The following SPTB variants were observed in gnomAD, a reference collection of about 807,000 sequenced individuals.
SPTB encodes spectrin beta, erythrocytic, also known as spectrin beta chain, erythrocytic.
Under a neutral mutation model 256.2 loss-of-function variants are expected in SPTB, and 45 were observed. The observed-to-expected ratio is 0.18, with a 90% confidence interval of 0.14 to 0.23. The LOEUF (loss-of-function observed/expected upper bound fraction) is 0.23. Ranked by LOEUF, SPTB falls within the 10% of genes least tolerant of loss-of-function variation. The pLI, the probability that SPTB is intolerant of heterozygous loss-of-function variation, is 1.00. For missense variants in SPTB, 2,715 were observed against 3,040.4 expected (o/e 0.89, Z 2.52); for synonymous variants, 1,231 against 1,243.1 (o/e 0.99, Z 0.21).
At chr14:64,752,714 T>A (rs1594737872) in intron 33 of SPTB, among the ~76,000 whole-genome samples, 1 of 152,236 alleles carries the variant, frequency 6.6e-6, no homozygotes, top group South Asian at 2.1e-4. Context: ...TTCAGGGCAA[T>A]TGGGCCCCCA....
chr14:64,812,983 A>G (rs1025382146), intron 2 of SPTB, among the ~76,000 whole-genome samples: 1 of 152,206 alleles, frequency 6.6e-6, no homozygotes, highest in African/African-American at 2.4e-5. Flanking sequence ...TATATTAATG[A>G]GGATACTATT....
chr14:64,804,381 G>A (rs1308607137), intron 3 of SPTB, among the ~76,000 whole-genome samples: 1 of 152,206 alleles, frequency 6.6e-6, no homozygotes, highest in Non-Finnish European at 1.5e-5. Context: ...AGGTATCATT[G>A]CCCTCATTTT....
rs377266593 is a variant in SPTB, at chr14:64,749,351, C to T, written c.6942G>A (p.Lys2314=). ...SLSGPDASLG[K]KDKEKRFSFF... The stretch of plus-strand genomic sequence containing the variant: ...AGCTGAATCTCTTCTCCTTGTCTTT[C>T]TTGCCGAGGCTGGCGTCGGGGCCGG... The change falls in exon 36 of 36, where the codon AAG becomes AAA. Residue 2314 remains lysine (K), a synonymous_variant. Transcript: ENST00000644917. This position sits in a 1 kb window ranked among gnomAD's most constrained non-coding sequence, Gnocchi z 4.7. 5.1e-4 allele frequency: 829 copies of T among 1,610,372 alleles called. 2 individuals are homozygous for T. Among genetic ancestry groups the T allele is most frequent in the Non-Finnish European group, 6.8e-4 (801 of 1,179,574 alleles).
rs748820729 is a variant in SPTB, at chr14:64,801,847, G to A, written c.567-13C>T. The stretch of plus-strand genomic sequence containing the variant: ...AACATGAGGGTAGCTGCATCCAAGA[G>A]AAACAGTAAGAGCTAAGAATTAGAT... On this transcript the variant is annotated splice_polypyrimidine_tract_variant and intron_variant, in intron 5 of 35. Coordinates refer to ENST00000644917, the MANE Select transcript of SPTB (RefSeq NM_001355436.2). 1.7e-5 allele frequency: 27 copies of A among 1,611,844 alleles called. No individual in the cohort carries two copies. Among genetic ancestry groups the A allele is most frequent in the Non-Finnish European group, 8.5e-7 (1 of 1,177,980 alleles).
intron 1 of SPTB, among the ~76,000 whole-genome samples, chr14:64,875,325 C>G (rs1330369166): frequency 6.6e-6 from 1 of 152,208 alleles, no homozygotes; most frequent in African/African-American, 2.4e-5. Context: ...TGATATTCAG[C>G]TGAGGCTGGC....
At chr14:64,862,099 C>T (rs536627588) in intron 1 of SPTB, among the ~76,000 whole-genome samples, 3 of 152,364 alleles carry the variant, frequency 2.0e-5, no homozygotes, top group Non-Finnish European at 4.4e-5. Flanking sequence ...CAACTTGCTA[C>T]AGCAGCTCCA....
chr14:64,767,305 A>T lies in SPTB; in HGVS notation c.6267T>A (p.Thr2089=). Residue 2089 remains threonine (T), a splice_region_variant and synonymous_variant, in exon 31 of 36, where the codon ACT becomes ACA. Transcript: ENST00000644917. The part of the protein sequence containing the change: ...RQIAERPAEE[T]GPQEEEGETA... ...CTGGACACACGGCCACCACTCACCC[A>T]GTCTCCTCTGCGGGTCTCTCTGCAA... 6.2e-7 allele frequency: 1 copy of T among 1,614,040 alleles called. No individual in the cohort carries two copies. Among genetic ancestry groups the T allele is most frequent in the African/African-American group, 1.3e-5 (1 of 75,058 alleles).
chr14:64,786,773 C>T lies in SPTB; in HGVS notation c.3192G>A (p.Gln1064=), dbSNP rs375116881. The change falls in exon 16 of 36, where the codon CAG becomes CAA. Residue 1064 remains glutamine (Q), a synonymous_variant. Transcript: ENST00000644917. The surrounding 1 kb of genome is among the most constrained non-coding windows in gnomAD (Gnocchi z 5.6). ...EDLLGEVSQL[Q]AFLQDLDDFQ... ...AGTCATCCAGATCCTGCAGGAAGGCCTGCAGCTGGCTGACTTCCCCCAGCA... is the reference window on the plus strand; with the variant it reads ...AGTCATCCAGATCCTGCAGGAAGGCTTGCAGCTGGCTGACTTCCCCCAGCA... 3 of 1,613,970 alleles carry T rather than the reference C, an allele frequency of 1.9e-6. No homozygotes were observed. The African/African-American group carries it at 4.0e-5, about 22-fold the overall frequency.
At chr14:64,848,277 T>A (rs1410323410) in intron 1 of SPTB, among the ~76,000 whole-genome samples, 1 of 152,210 alleles carries the variant, frequency 6.6e-6, no homozygotes, top group Non-Finnish European at 1.5e-5. Context: ...CTCTTTTGCT[T>A]TTTATTGTGG....
At position 64,764,986 on chromosome 14, in the gene SPTB, A is replaced by G. The variant is rs1254720825; in HGVS notation, c.6345+1740T>C. On this transcript the variant is annotated intron_variant, in intron 32 of 35. Transcript: ENST00000644917. The surrounding 1 kb of genome is among the most constrained non-coding windows in gnomAD (Gnocchi z 4.2). ...GTGGGCTGGTGCAGCTAGGAAAGGGAGGCCTCTGGCCAGGCTGGAGGCCAC... is the reference window on the plus strand; with the variant it reads ...GTGGGCTGGTGCAGCTAGGAAAGGGGGGCCTCTGGCCAGGCTGGAGGCCAC... 6.9e-6 allele frequency among the ~76,000 whole-genome samples: 1 copy of G among 144,844 alleles called. No individual in the cohort carries two copies. Among genetic ancestry groups the G allele is most frequent in the African/African-American group, 2.5e-5 (1 of 39,342 alleles).
chr14:64,774,465 GTCC>G lies in SPTB; in HGVS notation c.4902_4904del (p.Glu1634del). On this transcript the variant is annotated inframe_deletion, in exon 24 of 36. Transcript: ENST00000644917. ...CCAGCTGCTTGATGTTCCGGCCGTA[GTCC>G]TCCACCGCACGCTGCTGCCGCAAAT... 2 of 1,561,008 alleles carry G rather than the reference GTCC, an allele frequency of 1.3e-6. No individual in the cohort carries two copies.
At position 64,799,729 on chromosome 14, in the gene SPTB, A is replaced by G; in HGVS notation, c.1064+18T>C. The G allele has an allele frequency of 6.2e-7, 1 of 1,613,862 alleles. No homozygotes were observed. The highest frequency in any genetic ancestry group is 2.2e-5 in the East Asian group (1 of 44,886). On this transcript the variant is annotated intron_variant, in intron 9 of 35. Coordinates refer to ENST00000644917, the MANE Select transcript of SPTB (RefSeq NM_001355436.2). ...CCCAGCCACTGAGGACCACCCTCCCATGTGCCAGGGCCCTTACTTGGGCGG... is the reference window on the plus strand; with the variant it reads ...CCCAGCCACTGAGGACCACCCTCCCGTGTGCCAGGGCCCTTACTTGGGCGG...
In SPTB at chr14:64,853,000, A is replaced by G. The variant is rs2083811176; in HGVS notation, c.-52+26792T>C. Among the ~76,000 whole-genome samples, 1 of 152,176 alleles carries G rather than the reference A, an allele frequency of 6.6e-6. No individual in the cohort carries two copies. Among genetic ancestry groups the G allele is most frequent in the East Asian group, 1.9e-4 (1 of 5,198 alleles). On this transcript the variant is annotated intron_variant, in intron 1 of 35. Transcript: ENST00000644917. The surrounding 1 kb of genome is among the most constrained non-coding windows in gnomAD (Gnocchi z 4.2). ...AAGCATTAACAGGGAGGTTTTCACTAGCTTGGGGGATGTGGGGAGGCTTCC... is the reference window on the plus strand; with the variant it reads ...AAGCATTAACAGGGAGGTTTTCACTGGCTTGGGGGATGTGGGGAGGCTTCC...
chr14:64,811,358 T>G (rs2083087026), intron 2 of SPTB, among the ~76,000 whole-genome samples: 1 of 152,228 alleles, frequency 6.6e-6, no homozygotes, highest in Non-Finnish European at 1.5e-5. Flanking sequence ...CCCACGTGCA[T>G]GCACACACGC....
chr14:64,776,973 A>G (rs2082368792), intron 22 of SPTB, among the ~76,000 whole-genome samples: 1 of 152,240 alleles, frequency 6.6e-6, no homozygotes, highest in South Asian at 2.1e-4. Flanking sequence ...AAACATGCAA[A>G]TAAATGAATA....
In SPTB at chr14:64,852,430, C is replaced by T. The variant is rs2083802979; in HGVS notation, c.-52+27362G>A. On this transcript the variant is annotated intron_variant, in intron 1 of 35. Transcript: ENST00000644917. This position sits in a 1 kb window ranked among gnomAD's most constrained non-coding sequence, Gnocchi z 4.2. ...CAGTGAAGGGTGCTAAATGGAACAG[C>T]ATGGCTAGGCTTGCCTTCTAGAAAG... Among the ~76,000 whole-genome samples, 1 of 152,176 alleles carries T rather than the reference C, an allele frequency of 6.6e-6. No individual in the cohort carries two copies. Among genetic ancestry groups the T allele is most frequent in the Non-Finnish European group, 1.5e-5 (1 of 68,014 alleles).
Position 64,792,853 on chromosome 14 carries a change from C to G in SPTB, c.2666+144G>C. On this transcript the variant is annotated intron_variant, in intron 14 of 35. Transcript: ENST00000644917. This position sits in a 1 kb window ranked among gnomAD's most constrained non-coding sequence, Gnocchi z 4.2. ...AGAGCCAGAATAGAACTTATGACTC[C>G]TAATGCCAGGACTTTGCAACAAAGG... The G allele has an allele frequency of 8.6e-7, 1 of 1,156,952 alleles. No homozygotes were observed. Among genetic ancestry groups the G allele is most frequent in the Non-Finnish European group, 1.2e-6 (1 of 806,888 alleles). 71.7% of individuals were successfully genotyped at this position (1,156,952 alleles called of 1,614,324 possible).
intron 18 of SPTB, among the ~76,000 whole-genome samples, chr14:64,784,881 C>T (rs1188383861): frequency 1.3e-5 from 2 of 152,234 alleles, no homozygotes; most frequent in African/African-American, 2.4e-5. Context: ...GGGAAAACCC[C>T]ATTCCATGTA....
intron 1 of SPTB, among the ~76,000 whole-genome samples, chr14:64,859,998 A>T (rs1198600028): frequency 2.0e-5 from 3 of 152,144 alleles, no homozygotes; most frequent in African/African-American, 7.2e-5. Context: ...ATTGCCTAAA[A>T]CTTGAAGTCA....
Sources: allele counts gnomAD v4.1 joint callset (sites outside exome capture counted in the v4.1 genomes callset), GRCh38; gene constraint gnomAD v4.1.1; non-coding constraint Gnocchi (gnomAD v3.1); transcripts MANE v1.5; gene names NCBI Gene and HGNC (gene_info 2026-07-23, HGNC 2026-07-21).